Variants in SLC30A8 observed in about 807,000 individuals in gnomAD.
The protein encoded by SLC30A8 is proton-coupled zinc antiporter SLC30A8.
Under a neutral mutation model 36.9 loss-of-function variants are expected in SLC30A8, and 27 were observed. The ratio of observed to expected loss-of-function variants is 0.73; its 90% CI spans 0.54 to 1.01. The LOEUF (loss-of-function observed/expected upper bound fraction) is 1.01. Ranked by LOEUF, SLC30A8 falls within the 50% of genes least tolerant of loss-of-function variation. SLC30A8 has a pLI of 0.00. For synonymous variants in SLC30A8, 164 were observed against 172.4 expected, an observed-to-expected ratio of 0.95 and a Z score of 0.38; for missense variants, 439 against 452.0, an observed-to-expected ratio of 0.97 and a Z score of 0.26.
At chr8:117,128,173 T>C (rs943963973) in intron 2 of SLC30A8, among the ~76,000 whole-genome samples, 1 of 152,050 alleles carries the variant, frequency 6.6e-6, no homozygotes, top group African/African-American at 2.4e-5. Flanking sequence ...ACCACTTCTG[T>C]GAACTATAGT....
chr8:117,146,772 A>G, intron 1 of SLC30A8, 182 bp from the exon 2 acceptor site: 1 of 1,396,946 alleles, frequency 7.2e-7, no homozygotes, highest in Non-Finnish European at 9.3e-7. Flanking sequence ...GTTGAAGTTT[A>G]GAAGGAAATT....
intron 1 of SLC30A8, among the ~76,000 whole-genome samples, chr8:116,974,572 T>C (rs1422165912): frequency 1.3e-5 from 2 of 152,076 alleles, no homozygotes; most frequent in East Asian, 3.9e-4. Context: ...AATAGGAACA[T>C]TTTTACACTG....
rs35260230 is a variant in SLC30A8 at position 117,135,285 on chromosome 8, T to TCAACAACAACGA, written c.-34_-23dup. ...TTGCTTCCAAAACTGGGCAGTGAGT[T>TCAACAACAACGA]CAACAACAACGACAACAACAGCCGC... On this transcript the variant is annotated 5_prime_UTR_variant, in exon 1 of 8. Transcript: ENST00000456015. The TCAACAACAACGA allele has an allele frequency of 6.6e-7, 1 of 1,510,536 alleles. No homozygotes were observed. The highest frequency in any genetic ancestry group is 1.4e-5 in the African/African-American group (1 of 72,604). 93.6% of individuals were successfully genotyped at this position (1,510,536 alleles called of 1,614,324 possible).
chr8:117,134,236 G>T (rs1206944530), upstream of SLC30A8, among the ~76,000 whole-genome samples: 1 of 151,932 alleles, frequency 6.6e-6, no homozygotes, highest in Non-Finnish European at 1.5e-5. Context: ...TTTCTCACTA[G>T]AAAGTTAGTG....
chr8:117,172,404 G>C (rs908327463), intron 7 of SLC30A8, 132 bp from the exon 8 acceptor site: 4 of 1,111,002 alleles, frequency 3.6e-6, no homozygotes, highest in Admixed American at 1.8e-5. Context: ...CAGAGCAAAC[G>C]TGGCTTCCTC....
chr8:117,029,245 T>A (rs1287610655), intron 1 of SLC30A8, among the ~76,000 whole-genome samples: 3 of 152,210 alleles, frequency 2.0e-5, no homozygotes, highest in African/African-American at 4.8e-5. Flanking sequence ...TCAACTTTTG[T>A]ATTGGCTAAA....
At chr8:116,995,541 C>T (rs955134983) in intron 1 of SLC30A8, among the ~76,000 whole-genome samples, 7 of 152,020 alleles carry the variant, frequency 4.6e-5, no homozygotes, top group Non-Finnish European at 8.8e-5. Flanking sequence ...TGGGATGTGT[C>T]CCTTTAGAAA....
intron 2 of SLC30A8, among the ~76,000 whole-genome samples, chr8:117,097,853 TA>T (rs1339979214): frequency 2.2e-5 from 2 of 93,012 alleles, no homozygotes; most frequent in Non-Finnish European, 3.6e-5. Context: ...TTTAAATAAA[TA>T]TATATATTAT....
At chr8:117,143,375 C>T (rs1157466317) in intron 1 of SLC30A8, among the ~76,000 whole-genome samples, 1 of 151,912 alleles carries the variant, frequency 6.6e-6, no homozygotes, top group Admixed American at 6.6e-5. Flanking sequence ...AAGCTTTGGC[C>T]ATATTTGAAT....
rs1823443220 is a variant in SLC30A8 at position 117,172,634 on chromosome 8, G to C, written c.1063G>C (p.Val355Leu). 4 of 1,613,616 alleles carry C rather than the reference G, an allele frequency of 2.5e-6. No homozygotes were observed. In the South Asian group the frequency reaches 4.4e-5, roughly 18 times the overall value. The part of the protein sequence containing the change: ...HSLTIQMESP[V>L]DQDPDCLFCE... ...ACTCACCATTCAGATGGAATCTCCA[G>C]TTGACCAGGACCCCGACTGCCTTTT... Residue 355 changes from valine (V) to leucine (L), a missense_variant, in exon 8 of 8, where the codon GTT becomes CTT. Coordinates refer to ENST00000456015, the MANE Select transcript of SLC30A8 (RefSeq NM_173851.3).
chr8:117,048,243 G>T (rs1056211174), intron 2 of SLC30A8, among the ~76,000 whole-genome samples: 1 of 152,158 alleles, frequency 6.6e-6, no homozygotes, highest in Non-Finnish European at 1.5e-5. Context: ...GCCAAGGATG[G>T]TCATATGGCA....
chr8:117,168,851 G>A (rs10955804), intron 6 of SLC30A8, among the ~76,000 whole-genome samples: 56,596 of 151,924 alleles, frequency 0.37, 13,259 homozygotes, highest in African/African-American at 0.67. Context: ...GATATCCCTG[G>A]TTCTGCCACT....
chr8:117,155,804 C>T (rs149024255), intron 3 of SLC30A8, among the ~76,000 whole-genome samples: 4 of 152,316 alleles, frequency 2.6e-5, no homozygotes, highest in African/African-American at 9.6e-5. Flanking sequence ...TTCCAGGCCT[C>T]TCTCTTAGCT....
At chr8:117,134,385 C>T (rs2130930593), upstream of SLC30A8, among the ~76,000 whole-genome samples, 1 of 152,134 alleles carries the variant, frequency 6.6e-6, no homozygotes, top group Non-Finnish European at 1.5e-5. Context: ...CAAATGCCTA[C>T]TGTTTGTCCA....
intron 4 of SLC30A8, among the ~76,000 whole-genome samples, chr8:117,158,252 T>A (rs1187492875): frequency 6.6e-6 from 1 of 152,206 alleles, no homozygotes; most frequent in Non-Finnish European, 1.5e-5. Flanking sequence ...CATTCTGCTC[T>A]CAGGCATGCT....
intron 1 of SLC30A8, 76 bp from the exon 2 acceptor site, chr8:117,146,878 G>C: frequency 6.3e-7 from 1 of 1,591,938 alleles, no homozygotes; most frequent in Non-Finnish European, 8.6e-7. Flanking sequence ...GCGGTTCCAA[G>C]TATGGGCAGG....
chr8:117,163,101 A>G (rs1822878204), intron 5 of SLC30A8, among the ~76,000 whole-genome samples: 1 of 152,252 alleles, frequency 6.6e-6, no homozygotes, highest in African/African-American at 2.4e-5. Flanking sequence ...CTTTCATCAC[A>G]TACTCTGTAC....
At chr8:117,081,322 C>T (rs1024860333) in intron 2 of SLC30A8, among the ~76,000 whole-genome samples, 3 of 152,148 alleles carry the variant, frequency 2.0e-5, no homozygotes, top group Admixed American at 6.5e-5. Context: ...AAGATCAAAG[C>T]GTGGGCAGAT....
chr8:117,071,534 T>A (rs1199567669), intron 2 of SLC30A8, among the ~76,000 whole-genome samples: 1 of 152,202 alleles, frequency 6.6e-6, no homozygotes, highest in African/African-American at 2.4e-5. Flanking sequence ...TTCTTTGCAG[T>A]GCAGAAGATT....
Sources: gnomAD v4.1 joint callset for allele counts (sites outside exome capture counted in the v4.1 genomes callset) on GRCh38, gnomAD v4.1.1 for gene constraint, MANE v1.5 for transcripts, NCBI Gene and HGNC (gene_info 2026-07-23, HGNC 2026-07-21) for gene names.